Variants in ZMYND11 observed in about 807,000 individuals in gnomAD.
ZMYND11 encodes the protein zinc finger MYND domain-containing protein 11.
In ZMYND11, 9 loss-of-function variants were observed where a neutral mutation model predicts 84.9. That is an observed-to-expected ratio of 0.11 (90% confidence interval 0.06 to 0.18). The LOEUF is 0.18. Ranked by LOEUF, ZMYND11 falls within the 10% of genes least tolerant of loss-of-function variation. The probability of loss-of-function intolerance (pLI) is 1.00; values close to 1 mark genes in which losing one functional copy is unlikely to be tolerated. For synonymous variants in ZMYND11, 250 were observed against 244.1 expected (o/e 1.02, Z -0.23); for missense variants, 409 against 761.0 (o/e 0.54, Z 5.44).
chr10:215,583 G>T (rs952860949), intron 3 of ZMYND11, among the ~76,000 whole-genome samples: 2 of 150,750 alleles, frequency 1.3e-5, no homozygotes, highest in Non-Finnish European at 3.0e-5. Flanking sequence ...TTTGAGACAG[G>T]GTCTCCCTTT....
At chr10:130,419 G>T (rs1261603635), upstream of ZMYND11, among the ~76,000 whole-genome samples, 1 of 152,158 alleles carries the variant, frequency 6.6e-6, no homozygotes, top group Non-Finnish European at 1.5e-5. Context: ...AGCTCCTTTT[G>T]TGTCAGGCAT....
chr10:138,744 T>C lies in ZMYND11; in HGVS notation c.-20+3185T>C, dbSNP rs1433409040. Reference sequence around the variant, plus strand: ...CATTATTACCTTTCAGCAAAGAGGATGTATCTTGGAAAAAAAAAAAAGAGA... The same window carrying C: ...CATTATTACCTTTCAGCAAAGAGGACGTATCTTGGAAAAAAAAAAAAGAGA... On this transcript the variant is annotated intron_variant, in intron 1 of 14. Coordinates refer to ENST00000381604, the MANE Select transcript of ZMYND11 (RefSeq NM_001370100.5). 3.5e-5 allele frequency among the ~76,000 whole-genome samples: 5 copies of C among 144,340 alleles called. No individual in the cohort carries two copies. The Admixed American group carries it at 3.6e-4, about 10-fold the overall frequency. 94.7% of individuals were successfully genotyped at this position (144,340 alleles called of 152,430 possible).
chr10:172,103 T>C (rs1009080456), intron 1 of ZMYND11, among the ~76,000 whole-genome samples: 7 of 152,134 alleles, frequency 4.6e-5, no homozygotes, highest in African/African-American at 1.7e-4. Context: ...GAAGCCTCTT[T>C]TATAAGGGCA....
chr10:152,225 T>G (rs1554757279), intron 1 of ZMYND11, among the ~76,000 whole-genome samples: 1 of 152,146 alleles, frequency 6.6e-6, no homozygotes, highest in Non-Finnish European at 1.5e-5. Flanking sequence ...ATATGAACTT[T>G]AAGTGTAAAT....
At chr10:149,990 G>A (rs1396542658) in intron 1 of ZMYND11, among the ~76,000 whole-genome samples, 3 of 152,172 alleles carry the variant, frequency 2.0e-5, no homozygotes, top group Admixed American at 6.5e-5. Flanking sequence ...TAAGCTTTTC[G>A]ATGTGCTGCT....
At chr10:130,419 G>A (rs1261603635), upstream of ZMYND11, among the ~76,000 whole-genome samples, 1 of 152,158 alleles carries the variant, frequency 6.6e-6, no homozygotes, top group South Asian at 2.1e-4. Flanking sequence ...AGCTCCTTTT[G>A]TGTCAGGCAT....
intron 4 of ZMYND11, among the ~76,000 whole-genome samples, chr10:225,261 T>C (rs1947904044): frequency 6.6e-6 from 1 of 152,252 alleles, no homozygotes; most frequent in Non-Finnish European, 1.5e-5. Flanking sequence ...CAGAGTATTA[T>C]ACCCATGTAC....
chr10:174,537 T>TA (rs1411325786), intron 1 of ZMYND11, among the ~76,000 whole-genome samples: 5 of 151,986 alleles, frequency 3.3e-5, no homozygotes, highest in African/African-American at 1.2e-4. Flanking sequence ...TTGTCATTCA[T>TA]ACATTAGTCA....
intron 4 of ZMYND11, among the ~76,000 whole-genome samples, chr10:231,821 C>G (rs1299919478): frequency 6.6e-6 from 1 of 152,186 alleles, no homozygotes; most frequent in Non-Finnish European, 1.5e-5. Context: ...TTAGTTCTTA[C>G]GCAAACGTCT....
intron 1 of ZMYND11, among the ~76,000 whole-genome samples, chr10:139,474 G>C (rs782714940): frequency 2.2e-4 from 34 of 152,236 alleles, no homozygotes; most frequent in Non-Finnish European, 4.0e-4. Flanking sequence ...ATGTAAATCT[G>C]CTTTGATACA....
intron 1 of ZMYND11, among the ~76,000 whole-genome samples, chr10:153,700 G>T (rs1353848662): frequency 1.3e-5 from 2 of 152,172 alleles, no homozygotes; most frequent in East Asian, 3.8e-4. Context: ...ATGCTGACCT[G>T]TTGTCCTAGG....
intron 1 of ZMYND11, among the ~76,000 whole-genome samples, chr10:145,166 ATATATATGTG>A (rs1219263395): frequency 1.3e-4 from 20 of 150,884 alleles, no homozygotes; most frequent in South Asian, 2.1e-4. Flanking sequence ...ATGTGTGTGT[ATATATATGTG>A]TATATATGTG....
At chr10:138,110 G>GT (rs1198726870) in intron 1 of ZMYND11, among the ~76,000 whole-genome samples, 5,165 of 132,970 alleles carry the variant, frequency 0.039, 266 homozygotes, top group African/African-American at 0.11. Flanking sequence ...TTCTGTTGGC[G>GT]TTTTTTTTTT....
At chr10:157,385 A>G (rs1841960163) in intron 1 of ZMYND11, among the ~76,000 whole-genome samples, 1 of 152,080 alleles carries the variant, frequency 6.6e-6, no homozygotes, top group Admixed American at 6.5e-5. Context: ...TTTTTTGTGG[A>G]GACGGGGTGT....
chr10:153,491 G>T (rs1298013942), intron 1 of ZMYND11, among the ~76,000 whole-genome samples: 5 of 152,118 alleles, frequency 3.3e-5, no homozygotes, highest in African/African-American at 1.2e-4. Flanking sequence ...TCTCAAACTA[G>T]AAATATAACG....
chr10:192,623 G>A (rs540715711), intron 2 of ZMYND11, among the ~76,000 whole-genome samples: 59 of 152,314 alleles, frequency 3.9e-4, no homozygotes, highest in South Asian at 8.3e-4. Context: ...ATGCACACAG[G>A]TGCCTAATCT....
chr10:145,274 C>G (rs1245024354), intron 1 of ZMYND11, among the ~76,000 whole-genome samples: 1 of 150,622 alleles, frequency 6.6e-6, no homozygotes, highest in Non-Finnish European at 1.5e-5. Flanking sequence ...ATATATATCA[C>G]TTTTTCTTTT....
intron 4 of ZMYND11, 73 bp downstream of exon 4, chr10:221,429 C>T: frequency 6.7e-7 from 1 of 1,501,324 alleles, no homozygotes; most frequent in Non-Finnish European, 9.0e-7. Context: ...AAAAGATATC[C>T]CAGGTGGTCT....
intron 1 of ZMYND11, among the ~76,000 whole-genome samples, chr10:154,256 T>C (rs1350755656): frequency 2.0e-5 from 3 of 152,190 alleles, no homozygotes. Flanking sequence ...AGCACTATAA[T>C]TCATACCTGA....
Sources: allele counts gnomAD v4.1 joint callset (sites outside exome capture counted in the v4.1 genomes callset), GRCh38; gene constraint gnomAD v4.1.1; transcripts MANE v1.5; gene names NCBI Gene and HGNC (gene_info 2026-07-23, HGNC 2026-07-21).